The following AFF1 variants were observed in gnomAD, a reference collection of about 807,000 sequenced individuals.
The protein encoded by AFF1 is ALF transcription elongation factor 1, also known as AF4/FMR2 family member 1.
A neutral mutation model predicts 121.7 loss-of-function variants in AFF1; 48 were observed. That is an observed-to-expected ratio of 0.39 (90% CI 0.31 to 0.50). The LOEUF is 0.50. AFF1 is among the 20% of genes least tolerant of loss of function. AFF1 has a pLI of 0.76. For synonymous variants in AFF1, 613 were observed against 563.0 expected, an observed-to-expected ratio of 1.09 and a Z score of -1.26; for missense variants, 1,523 against 1,511.7, an observed-to-expected ratio of 1.01 and a Z score of -0.12.
intron 2 of AFF1, among the ~76,000 whole-genome samples, chr4:87,039,742 A>G (rs1729927921): frequency 6.6e-6 from 1 of 152,200 alleles, no homozygotes; most frequent in Non-Finnish European, 1.5e-5. Flanking sequence ...GAAGGCAAGA[A>G]CTTGGCTACT....
At chr4:87,111,899 G>A (rs551630123) in intron 11 of AFF1, among the ~76,000 whole-genome samples, 1 of 152,268 alleles carries the variant, frequency 6.6e-6, no homozygotes, top group Non-Finnish European at 1.5e-5. Context: ...CGTTCCTTTA[G>A]GGACTACTAA....
intron 2 of AFF1, among the ~76,000 whole-genome samples, chr4:86,979,560 TTG>T (rs1427129742): frequency 2.6e-5 from 4 of 152,198 alleles, no homozygotes; most frequent in Non-Finnish European, 5.9e-5. Context: ...CTTTTTATCT[TTG>T]TGAAAATTTT....
chr4:87,061,134 T>A (rs1447847001), intron 4 of AFF1, among the ~76,000 whole-genome samples: 2 of 152,202 alleles, frequency 1.3e-5, no homozygotes, highest in Admixed American at 6.5e-5. Context: ...ATTCAAGTCA[T>A]GTAAAATAAC....
chr4:87,128,494 A>G (rs1241036972), intron 16 of AFF1, among the ~76,000 whole-genome samples: 1 of 152,212 alleles, frequency 6.6e-6, no homozygotes, highest in Non-Finnish European at 1.5e-5. Context: ...AAAAATGCAA[A>G]AACCTCCCTG....
At chr4:87,029,499 T>C (rs185603614) in intron 2 of AFF1, among the ~76,000 whole-genome samples, 1 of 152,158 alleles carries the variant, frequency 6.6e-6, no homozygotes, top group Non-Finnish European at 1.5e-5. Flanking sequence ...TTGAGGAACA[T>C]TAAGTTCTGA....
At position 87,138,879 on chromosome 4, in the gene AFF1, CA is replaced by C. The variant is rs760819502; in HGVS notation, c.*3179del. 159 of 228,612 alleles carry C rather than the reference CA, an allele frequency of 7.0e-4. No homozygotes were observed. Among genetic ancestry groups the C allele is most frequent in the Non-Finnish European group, 1.3e-3 (145 of 115,160 alleles). 14.2% of individuals were successfully genotyped at this position (228,612 alleles called of 1,614,324 possible). On this transcript the variant is annotated 3_prime_UTR_variant, in exon 21 of 21. Coordinates refer to ENST00000395146, the MANE Select transcript of AFF1 (RefSeq NM_001166693.3). ...AAAATATGTAGCTATTTCCCTTACA[CA>C]GATTGGACCGCACTTATCTCCCTTG...
In AFF1 at chr4:87,127,075, A is replaced by G; in HGVS notation, c.2861A>G (p.Asn954Ser). 1 of 1,613,568 alleles carries G rather than the reference A, an allele frequency of 6.2e-7. No individual in the cohort carries two copies. Among genetic ancestry groups the G allele is most frequent in the Non-Finnish European group, 8.5e-7 (1 of 1,179,872 alleles). Residue 954 changes from asparagine (N) to serine (S), a missense_variant, in exon 15 of 21, where the codon AAT becomes AGT. Transcript: ENST00000395146. The part of the protein sequence containing the change: ...ANPFPVPSLP[N>S]GNSKPGKPQV... ...CCTTTTCCAGTGCCTTCTTTGCCAA[A>G]TGGTAACTCTAAACCAGGGAAGCCT...
Position 87,074,305 on chromosome 4 carries a change from T to A in AFF1, c.1060-9815T>A, listed in dbSNP as rs569767007. On this transcript the variant is annotated intron_variant, in intron 4 of 20. Transcript: ENST00000395146. ...CTAGACTTGTTCTTTGTGATGCCTTTAAAAAAAAAAAAATCAGTGCCTTTT... is the reference window on the plus strand; with the variant it reads ...CTAGACTTGTTCTTTGTGATGCCTTAAAAAAAAAAAAAATCAGTGCCTTTT... Among the ~76,000 whole-genome samples the A allele has an allele frequency of 4.1e-3, 602 of 146,456 alleles. 1 individual carries two copies. Among genetic ancestry groups the A allele is most frequent in the African/African-American group, 0.014 (561 of 40,214 alleles).
At chr4:87,052,756 TGTGGATAGTAGCCATGTAC>T (rs1473948536) in intron 4 of AFF1, among the ~76,000 whole-genome samples, 2 of 151,754 alleles carry the variant, frequency 1.3e-5, no homozygotes, top group East Asian at 1.9e-4. Flanking sequence ...TAGCCATGTA[TGTGGATAGTAGCCATGTAC>T]GTGGTATGAA....
intron 8 of AFF1, among the ~76,000 whole-genome samples, chr4:87,096,343 A>C (rs1578241193): frequency 1.0e-5 from 1 of 97,090 alleles, no homozygotes; most frequent in Admixed American, 1.5e-4. Context: ...TTGCTCTGTC[A>C]CCCAGGCTGG....
chr4:87,122,054 G>A (rs342435), intron 12 of AFF1, among the ~76,000 whole-genome samples: 57,803 of 152,082 alleles, frequency 0.38, 11,860 homozygotes, highest in East Asian at 0.57. Context: ...TGCCTTGGGG[G>A]CCTTAATGTG....
At chr4:86,987,316 A>G (rs918169907) in intron 2 of AFF1, among the ~76,000 whole-genome samples, 2 of 152,076 alleles carry the variant, frequency 1.3e-5, no homozygotes, top group South Asian at 2.1e-4. Context: ...TAATGCGTCT[A>G]CCTCTGGGGG....
chr4:87,054,908 C>G (rs886474500), intron 4 of AFF1, among the ~76,000 whole-genome samples: 1 of 152,162 alleles, frequency 6.6e-6, no homozygotes, highest in African/African-American at 2.4e-5. Flanking sequence ...CTACCGCCCC[C>G]CACACTTTTA....
chr4:87,035,516 G>C (rs1219979041), intron 2 of AFF1, among the ~76,000 whole-genome samples: 1 of 151,756 alleles, frequency 6.6e-6, no homozygotes, highest in African/African-American at 2.4e-5. Context: ...AGCGGAGATC[G>C]CGCCACTGCA....
chr4:87,073,627 CAA>C (rs1460964907), intron 4 of AFF1, among the ~76,000 whole-genome samples: 3 of 152,184 alleles, frequency 2.0e-5, no homozygotes, highest in Non-Finnish European at 4.4e-5. Flanking sequence ...TCCTTTCAGA[CAA>C]AGCGTGGATT....
At chr4:86,938,841 G>T (rs189861382) in intron 1 of AFF1, among the ~76,000 whole-genome samples, 13 of 152,336 alleles carry the variant, frequency 8.5e-5, no homozygotes, top group Admixed American at 3.9e-4. Context: ...AGTTTCTGTT[G>T]TATGCCTTAG....
intron 2 of AFF1, chr4:86,949,537 A>AT (rs754229542): frequency 1.2e-4 from 31 of 248,374 alleles, no homozygotes; most frequent in African/African-American, 8.3e-4. Flanking sequence ...TATTATTATT[A>AT]TTTTTTTTTT....
At chr4:86,999,614 C>A (rs1725523234) in intron 2 of AFF1, among the ~76,000 whole-genome samples, 1 of 152,164 alleles carries the variant, frequency 6.6e-6, no homozygotes, top group African/African-American at 2.4e-5. Flanking sequence ...GTTGGAGTTA[C>A]ACATTTAGAG....
chr4:87,085,511 A>G (rs1389672064), intron 5 of AFF1, among the ~76,000 whole-genome samples: 1 of 150,478 alleles, frequency 6.6e-6, no homozygotes, highest in Non-Finnish European at 1.5e-5. Flanking sequence ...TATTGCTCAT[A>G]TTTTCTCAAA....
Sources: allele counts gnomAD v4.1 joint callset (sites outside exome capture counted in the v4.1 genomes callset), GRCh38; gene constraint gnomAD v4.1.1; transcripts MANE v1.5; gene names NCBI Gene and HGNC (gene_info 2026-07-23, HGNC 2026-07-21).